Variants in CNOT1 observed in about 807,000 individuals in gnomAD.
CNOT1 encodes the protein CCR4-NOT transcription complex subunit 1.
CNOT1 carries 15 observed loss-of-function variants against 273.8 expected under a neutral mutation model. The observed-to-expected ratio is 0.05, with a 90% CI of 0.04 to 0.08. CNOT1 has a LOEUF of 0.08. Among genes scored for constraint, CNOT1 ranks in the 10% least tolerant of loss-of-function variants. The probability of loss-of-function intolerance (pLI) is 1.00; values close to 1 mark genes in which losing one functional copy is unlikely to be tolerated. For missense variants in CNOT1, 1,644 were observed against 2,912.2 expected (o/e 0.56, Z 10.02); for synonymous variants, 1,022 against 1,005.5 (o/e 1.02, Z -0.31).
At chr16:58,567,548 T>C (rs1477550772) in intron 16 of CNOT1, among the ~76,000 whole-genome samples, 1 of 106,752 alleles carries the variant, frequency 9.4e-6, no homozygotes, top group Non-Finnish European at 2.0e-5. Flanking sequence ...CAAGACATCA[T>C]CTCAAAAAAA....
At chr16:58,576,409 C>T in intron 14 of CNOT1, 54 bp downstream of exon 14, 2 of 1,609,688 alleles carry the variant, frequency 1.2e-6, no homozygotes, top group Non-Finnish European at 1.7e-6. Flanking sequence ...CCGCGCCCGG[C>T]CTTTTTTTCT....
intron 47 of CNOT1, among the ~76,000 whole-genome samples, chr16:58,522,814 T>A (rs1054379288): frequency 1.3e-5 from 2 of 152,264 alleles, no homozygotes; most frequent in African/African-American, 4.8e-5. Flanking sequence ...AAACTACTTT[T>A]CATTTAAGCC....
In CNOT1 at chr16:58,538,755, C is replaced by T. The variant is rs1407296936; in HGVS notation, c.5135+17G>A. On this transcript the variant is annotated intron_variant, in intron 36 of 48. Transcript: ENST00000317147. Reference sequence around the variant, plus strand: ...TCGCAGTCCAATACTCACTACTTTTCGAAGATGGCTACTGACCTTGTGATC... The same window carrying T: ...TCGCAGTCCAATACTCACTACTTTTTGAAGATGGCTACTGACCTTGTGATC... The T allele has an allele frequency of 5.0e-6, 8 of 1,610,474 alleles. No individual in the cohort carries two copies. Among genetic ancestry groups the T allele is most frequent in the South Asian group, 2.2e-5 (2 of 91,036 alleles).
At chr16:58,603,124 A>T (rs746335890) in intron 1 of CNOT1, among the ~76,000 whole-genome samples, 4 of 152,214 alleles carry the variant, frequency 2.6e-5, no homozygotes, top group African/African-American at 9.6e-5. Context: ...AAGGATCATC[A>T]TATCTCTCAC....
chr16:58,570,135 C>T (rs572869778), intron 16 of CNOT1, among the ~76,000 whole-genome samples: 2 of 152,144 alleles, frequency 1.3e-5, no homozygotes, highest in Non-Finnish European at 2.9e-5. Flanking sequence ...CTTCATCTGG[C>T]AAAGCTATCC....
intron 39 of CNOT1, among the ~76,000 whole-genome samples, chr16:58,536,388 T>C (rs933168118): frequency 4.6e-5 from 7 of 152,240 alleles, no homozygotes; most frequent in African/African-American, 1.7e-4. Context: ...AATGGTACTA[T>C]GGCTCGGTTC....
chr16:58,606,303 C>G (rs538666097), intron 1 of CNOT1, among the ~76,000 whole-genome samples: 3 of 151,932 alleles, frequency 2.0e-5, no homozygotes, highest in African/African-American at 7.2e-5. Flanking sequence ...ACTGGTAGTC[C>G]CTGCTACTCA....
At chr16:58,567,080 T>C (rs2041070394) in intron 16 of CNOT1, among the ~76,000 whole-genome samples, 1 of 151,940 alleles carries the variant, frequency 6.6e-6, no homozygotes. Context: ...AGCCAGGAGT[T>C]CAAGGTTGCA....
chr16:58,538,283 A>C lies in CNOT1; in HGVS notation c.5136-17T>G, dbSNP rs2039980009. ...ATTAGGCACCTAGAAAAAGTTCAAT[A>C]TCTTTACTCATATAGGCTTAACCAT... is the stretch of plus-strand genomic sequence containing the variant. On this transcript the variant is annotated splice_polypyrimidine_tract_variant and intron_variant, in intron 36 of 48. Transcript: ENST00000317147. 1.0e-6 allele frequency: 1 copy of C among 978,840 alleles called. No homozygotes were observed. The highest frequency in any genetic ancestry group is 1.6e-5 in the African/African-American group (1 of 62,846). The allele number at this position is 978,840 out of a possible 1,614,324, so 60.6% of individuals were successfully genotyped here.
chr16:58,588,940 G>T, intron 2 of CNOT1, 34 bp from the exon 3 acceptor site: 1 of 1,499,036 alleles, frequency 6.7e-7, no homozygotes, highest in Non-Finnish European at 8.9e-7. Flanking sequence ...TTTAATAAGG[G>T]AAGATAAAAC....
intron 1 of CNOT1, among the ~76,000 whole-genome samples, chr16:58,604,629 A>AT (rs964416740): frequency 5.3e-5 from 8 of 150,204 alleles, no homozygotes; most frequent in Non-Finnish European, 8.9e-5. Flanking sequence ...TATAAAAAAA[A>AT]AAAAAAAAAA....
At chr16:58,623,036 A>G (rs1164433101) in intron 1 of CNOT1, among the ~76,000 whole-genome samples, 4 of 151,852 alleles carry the variant, frequency 2.6e-5, no homozygotes, top group Admixed American at 6.6e-5. Flanking sequence ...CGTCTCTACT[A>G]AAAATACAAA....
At chr16:58,617,997 C>A (rs998355680) in intron 1 of CNOT1, among the ~76,000 whole-genome samples, 2 of 152,090 alleles carry the variant, frequency 1.3e-5, no homozygotes, top group South Asian at 4.1e-4. Flanking sequence ...CAGAGCAAGA[C>A]CCTGCCTCTA....
chr16:58,568,578 G>A (rs986488624), intron 16 of CNOT1, among the ~76,000 whole-genome samples: 5 of 151,722 alleles, frequency 3.3e-5, no homozygotes, highest in African/African-American at 1.2e-4. Context: ...CAGCTACTCA[G>A]CTGAGGCAGG....
chr16:58,591,690 G>A (rs2042060205), intron 2 of CNOT1, among the ~76,000 whole-genome samples: 1 of 151,624 alleles, frequency 6.6e-6, no homozygotes, highest in African/African-American at 2.4e-5. Context: ...GGAGGCAGAG[G>A]TTGCAGTAAG....
intron 1 of CNOT1, among the ~76,000 whole-genome samples, chr16:58,612,865 T>C (rs1411781784): frequency 3.3e-5 from 5 of 152,212 alleles, no homozygotes; most frequent in Non-Finnish European, 5.9e-5. Context: ...GTGTACATAA[T>C]AGAATAACTT....
intron 6 of CNOT1, 99 bp from the exon 7 acceptor site, chr16:58,586,847 C>G (rs2041889488): frequency 7.7e-7 from 1 of 1,294,990 alleles, no homozygotes; most frequent in Admixed American, 1.9e-5. Context: ...CCTTCTCATT[C>G]ACCAGTTCAC....
intron 40 of CNOT1, among the ~76,000 whole-genome samples, chr16:58,533,785 A>C (rs1239491151): frequency 6.6e-6 from 1 of 152,214 alleles, no homozygotes; most frequent in Non-Finnish European, 1.5e-5. Flanking sequence ...AGATTGCACC[A>C]CTGCACTCCA....
chr16:58,559,657 T>C (rs1300849117), intron 17 of CNOT1: 2 of 320,124 alleles, frequency 6.2e-6, no homozygotes, highest in South Asian at 2.6e-5. Context: ...ATGCCTTTTA[T>C]AGGGAAGTAG....
Sources: allele counts gnomAD v4.1 joint callset (sites outside exome capture counted in the v4.1 genomes callset), GRCh38; gene constraint gnomAD v4.1.1; transcripts MANE v1.5; gene names NCBI Gene and HGNC (gene_info 2026-07-23, HGNC 2026-07-21).